Variants in CRB2 observed in about 807,000 individuals in gnomAD.
CRB2 encodes crumbs cell polarity complex component 2, also known as protein crumbs homolog 2.
CRB2 carries 85 observed loss-of-function variants against 110.9 expected under a neutral mutation model. The ratio of observed to expected loss-of-function variants is 0.77; its 90% confidence interval spans 0.64 to 0.92. The LOEUF (loss-of-function observed/expected upper bound fraction) is 0.92. Ranked by LOEUF, CRB2 falls within the 40% of genes least tolerant of loss-of-function variation. CRB2 has a pLI of 0.00. For synonymous variants in CRB2, 907 were observed against 831.0 expected (o/e 1.09, Z -1.57); for missense variants, 1,843 against 1,851.3 (o/e 1.00, Z 0.08).
At position 123,371,459 on chromosome 9, in the gene CRB2, G is replaced by C. The variant is rs1043719019; in HGVS notation, c.2317G>C (p.Asp773His). The C allele has an allele frequency of 4.3e-6, 7 of 1,612,980 alleles. No homozygotes were observed. The highest frequency in any genetic ancestry group is 2.2e-5 in the East Asian group (1 of 44,892). Residue 773 changes from aspartate to histidine, a missense_variant, in exon 8 of 13, where the codon GAT becomes CAT. Physicochemically the swap from Asp to His is moderately conservative, Grantham distance 81 (BLOSUM62 -1). Coordinates refer to ENST00000373631, the MANE Select transcript of CRB2 (RefSeq NM_173689.7). ...FRGCLQDLRLDGCHLPFFPLP... is the reference protein window; with the variant it reads ...FRGCLQDLRLHGCHLPFFPLP... ...AGGCTGCCTCCAGGACCTGCGACTC[G>C]ATGGCTGCCACCTCCCCTTCTTTCC...
At chr9:123,375,785 C>T (rs1437135456) in intron 12 of CRB2, among the ~76,000 whole-genome samples, 1 of 152,160 alleles carries the variant, frequency 6.6e-6, no homozygotes, top group Non-Finnish European at 1.5e-5. Context: ...CTGGAGCAGG[C>T]TCGGCCCGCT....
At position 123,375,200 on chromosome 9, in the gene CRB2, C is replaced by T. The variant is rs781379552; in HGVS notation, c.3507-17C>T. On this transcript the variant is annotated splice_polypyrimidine_tract_variant and intron_variant, in intron 11 of 12. Coordinates refer to ENST00000373631, the MANE Select transcript of CRB2 (RefSeq NM_173689.7). ...GCCATGGGGGAAGCCGCTTTCTCAG[C>T]CCCCCTCCCTCTCCAGGTGTCAGGT... 4 of 1,610,836 alleles carry T rather than the reference C, an allele frequency of 2.5e-6. No individual in the cohort carries two copies. Among genetic ancestry groups the T allele is most frequent in the African/African-American group, 2.7e-5 (2 of 74,824 alleles).
Position 123,370,696 on chromosome 9 carries a change from C to T in CRB2, c.1643C>T (p.Ser548Phe). ...EGCPARLCVA[S>F]GPVALASTAS... The stretch of plus-strand genomic sequence containing the variant: ...TGCCCTGCCCGGCTCTGTGTGGCCT[C>T]TGGTCCTGTGGCCCTGGCTTCCACG... Residue 548 changes from serine to phenylalanine, a missense_variant, in exon 7 of 13, where the codon TCT becomes TTT. Transcript: ENST00000373631. 1 of 1,605,516 alleles carries T rather than the reference C, an allele frequency of 6.2e-7. No individual in the cohort carries two copies. Among genetic ancestry groups the T allele is most frequent in the Non-Finnish European group, 8.5e-7 (1 of 1,179,998 alleles).
chr9:123,370,618 T>G lies in CRB2; in HGVS notation c.1565T>G (p.Val522Gly), dbSNP rs2132775092. The G allele has an allele frequency of 6.2e-7, 1 of 1,611,890 alleles. No individual in the cohort carries two copies. Residue 522 changes from valine to glycine, a missense_variant, in exon 7 of 13, where the codon GTG becomes GGG. Physicochemically the swap from Val to Gly is moderately radical, Grantham distance 109. Transcript: ENST00000373631. Reference protein sequence around the residue: ...LALNDGHWHQVEVVLHLATLE... With the variant: ...LALNDGHWHQGEVVLHLATLE... ...CTAAACGATGGCCATTGGCACCAGG[T>G]GGAGGTTGTGCTCCATCTAGCGACC... is the stretch of plus-strand genomic sequence containing the variant.
chr9:123,359,441 G>C (rs4993119), intron 1 of CRB2, among the ~76,000 whole-genome samples: 1 of 94,442 alleles, frequency 1.1e-5, no homozygotes, highest in Non-Finnish European at 1.9e-5. Flanking sequence ...TTTTTGTTTT[G>C]TTTTTTTTTT....
chr9:123,354,222 T>TC (rs35495752), upstream of CRB2, among the ~76,000 whole-genome samples: 5 of 152,180 alleles, frequency 3.3e-5, no homozygotes, highest in Non-Finnish European at 7.3e-5. Context: ...ACAAGACACT[T>TC]CCAGGTCTGG....
chr9:123,372,122 G>GCCACTGCA, intron 8 of CRB2, 55 bp from the exon 9 acceptor site: 1 of 1,564,680 alleles, frequency 6.4e-7, no homozygotes, highest in Non-Finnish European at 8.8e-7. Flanking sequence ...TGCCAGTTAT[G>GCCACTGCA]GTGGGTGATG....
intron 1 of CRB2, among the ~76,000 whole-genome samples, chr9:123,361,076 C>T (rs2041861603): frequency 6.6e-6 from 1 of 151,672 alleles, no homozygotes; most frequent in African/African-American, 2.4e-5. Context: ...GGTGCTGCCT[C>T]CCCAGCGTGG....
chr9:123,365,927 C>A lies in CRB2; in HGVS notation c.429C>A (p.Cys143Ter). 6.3e-7 allele frequency: 1 copy of A among 1,593,832 alleles called. No homozygotes were observed. The highest frequency in any genetic ancestry group is 8.5e-7 in the Non-Finnish European group (1 of 1,177,480). ...CCCTGCCCTGTCCAGGCGTGACCTG[C>A]GAGATGGAGGTGGACGAGTGCGCCT... ...HCPLGYAGVT[C>*]EMEVDECASA... Residue 143 changes from cysteine (C) to a stop codon, truncating the protein, a stop_gained, in exon 3 of 13, where the codon TGC becomes TGA. Transcript: ENST00000373631. LOFTEE classifies it high-confidence loss of function.
chr9:123,374,134 T>C (rs2042066543), intron 10 of CRB2: 3 of 775,850 alleles, frequency 3.9e-6, no homozygotes, highest in African/African-American at 1.7e-5. Flanking sequence ...TAAACAGCGC[T>C]GTGGTCTGGG....
In CRB2 at chr9:123,361,137, AG is replaced by A. The variant is rs1554781920; in HGVS notation, c.95-1718del. On this transcript the variant is annotated intron_variant, in intron 1 of 12. Transcript: ENST00000373631. Reference sequence around the variant, plus strand: ...AAAGCTTCAGATTGGATGGGCGGGGAGGGGGGGGGGTTCCTTGCACTGCACA... The same window carrying A: ...AAAGCTTCAGATTGGATGGGCGGGGAGGGGGGGGGTTCCTTGCACTGCACA... Among the ~76,000 whole-genome samples the A allele has an allele frequency of 9.9e-3, 533 of 53,830 alleles. 33 individuals carry two copies. The highest frequency in any genetic ancestry group is 0.019 in the African/African-American group (485 of 25,046). 35.3% of individuals were successfully genotyped at this position (53,830 alleles called of 152,430 possible).
At chr9:123,374,087 C>T in intron 10 of CRB2, 167 bp downstream of exon 10, 1 of 959,480 alleles carries the variant, frequency 1.0e-6, no homozygotes, top group Non-Finnish European at 1.6e-6. Context: ...TGATAAAATA[C>T]AGATCAAAAC....
chr9:123,369,539 C>G (rs753107429), intron 6 of CRB2, among the ~76,000 whole-genome samples: 1 of 151,996 alleles, frequency 6.6e-6, no homozygotes. Flanking sequence ...ATGAGGCATT[C>G]CAAGCAGACA....
At position 123,374,589 on chromosome 9, in the gene CRB2, C is replaced by T; in HGVS notation, c.3400C>T (p.Pro1134Ser). The T allele has an allele frequency of 6.2e-7, 1 of 1,612,818 alleles. No individual in the cohort carries two copies. Among genetic ancestry groups the T allele is most frequent in the Non-Finnish European group, 8.5e-7 (1 of 1,179,414 alleles). Residue 1134 changes from proline to serine, a missense_variant, in exon 11 of 13, where the codon CCA (proline) becomes TCA (serine). Transcript: ENST00000373631. Reference sequence around the variant, plus strand: ...CTGCTCTCTCCCCAGGTTGCCTGTCCCATCCAAGGAGTGCAGCCTGAATGT... The same window carrying T: ...CTGCTCTCTCCCCAGGTTGCCTGTCTCATCCAAGGAGTGCAGCCTGAATGT... ...FGGPRCRLPV[P>S]SKECSLNVTC... is the part of the protein sequence containing the mutation.
intron 1 of CRB2, among the ~76,000 whole-genome samples, chr9:123,360,437 C>T (rs754001911): frequency 4.6e-5 from 7 of 152,218 alleles, no homozygotes; most frequent in South Asian, 2.1e-4. Flanking sequence ...GCCCCTCCTC[C>T]GCCCTGCTGC....
intron 1 of CRB2, among the ~76,000 whole-genome samples, chr9:123,361,694 G>T (rs2041870691): frequency 6.6e-6 from 1 of 152,196 alleles, no homozygotes. Flanking sequence ...AGCAGCCCTT[G>T]ACTGCGGTGC....
At chr9:123,367,464 G>A (rs1302624880) in intron 5 of CRB2, 107 bp downstream of exon 5, 12 of 679,264 alleles carry the variant, frequency 1.8e-5, no homozygotes, top group Admixed American at 5.2e-5. Flanking sequence ...CCCCACACCC[G>A]AGTCTGCCCT....
chr9:123,360,607 C>T (rs2041856605), intron 1 of CRB2, among the ~76,000 whole-genome samples: 1 of 152,168 alleles, frequency 6.6e-6, no homozygotes, highest in Non-Finnish European at 1.5e-5. Context: ...GATTCTCAGG[C>T]TCAGGGCCCA....
chr9:123,368,977 G>T (rs1485418346), intron 6 of CRB2: 2 of 1,197,622 alleles, frequency 1.7e-6, no homozygotes, highest in Admixed American at 3.1e-5. Context: ...TGGGCAGGGG[G>T]AGGTTGGTGG....
Sources: allele counts gnomAD v4.1 joint callset (sites outside exome capture counted in the v4.1 genomes callset), GRCh38; gene constraint gnomAD v4.1.1; transcripts MANE v1.5; gene names NCBI Gene and HGNC (gene_info 2026-07-23, HGNC 2026-07-21).